The following KIF27 variants were observed in gnomAD, a reference collection of about 807,000 sequenced individuals.
KIF27 encodes kinesin-like protein KIF27.
KIF27 carries 84 observed loss-of-function variants against 141.8 expected under a neutral mutation model. The observed-to-expected ratio is 0.59, with a 90% CI of 0.50 to 0.71. The LOEUF is 0.71. Among genes scored for constraint, KIF27 ranks in the 30% least tolerant of loss-of-function variants. The pLI, the probability that KIF27 is intolerant of heterozygous loss-of-function variation, is 0.00. For missense variants in KIF27, 1,306 were observed against 1,628.4 expected, an observed-to-expected ratio of 0.80 and a Z score of 3.41; for synonymous variants, 471 against 569.5, an observed-to-expected ratio of 0.83 and a Z score of 2.46.
intron 9 of KIF27, among the ~76,000 whole-genome samples, chr9:83,886,327 G>A (rs1240500709): frequency 6.6e-6 from 1 of 152,074 alleles, no homozygotes; most frequent in Admixed American, 6.6e-5. Flanking sequence ...TAAAATAGAG[G>A]ATACCAGAGC....
At chr9:83,907,807 G>A (rs1325485570) in intron 3 of KIF27, among the ~76,000 whole-genome samples, 1 of 152,222 alleles carries the variant, frequency 6.6e-6, no homozygotes, top group Non-Finnish European at 1.5e-5. Context: ...TCATGGTAGA[G>A]CTGAGAGGAA....
chr9:83,862,146 G>C (rs1215418708), intron 13 of KIF27, among the ~76,000 whole-genome samples: 1 of 152,052 alleles, frequency 6.6e-6, no homozygotes, highest in Non-Finnish European at 1.5e-5. Flanking sequence ...TCTGACGGTA[G>C]TTTCTTTTGC....
Position 83,848,132 on chromosome 9 carries a change from CAT to C in KIF27, c.3556+1965_3556+1966del, listed in dbSNP as rs200035673. Among the ~76,000 whole-genome samples, 3 of 38,018 alleles carry C rather than the reference CAT, an allele frequency of 7.9e-5. No individual in the cohort carries two copies. The East Asian group carries it at 1.5e-3, about 19-fold the overall frequency. The allele number at this position is 38,018 out of a possible 152,430, so 24.9% of individuals were successfully genotyped here. A position where few individuals can be genotyped will look rare whatever the true frequency, so the allele number is the denominator to read the frequency against. Reference sequence around the variant, plus strand: ...CTCATATCTGATATATCTGATATCTCATATATGATATATCTGATATATCATAT... The same window carrying C: ...CTCATATCTGATATATCTGATATCTCATATGATATATCTGATATATCATAT... On this transcript the variant is annotated intron_variant, in intron 16 of 17. Transcript: ENST00000297814.
At chr9:83,864,073 CTTT>C (rs752032316) in intron 13 of KIF27, among the ~76,000 whole-genome samples, 4 of 151,992 alleles carry the variant, frequency 2.6e-5, no homozygotes, top group Admixed American at 2.0e-4. Context: ...CTCTTTTCTT[CTTT>C]ATTAGTCTTA....
intron 12 of KIF27, among the ~76,000 whole-genome samples, chr9:83,868,833 C>A (rs777145202): frequency 1.3e-5 from 2 of 152,080 alleles, no homozygotes; most frequent in South Asian, 2.1e-4. Flanking sequence ...TCCAATAATA[C>A]CAATATATTA....
At chr9:83,920,008 G>A (rs1004786856) in intron 1 of KIF27, among the ~76,000 whole-genome samples, 1 of 151,928 alleles carries the variant, frequency 6.6e-6, no homozygotes, top group Non-Finnish European at 1.5e-5. Flanking sequence ...AAGGCAGGTG[G>A]ATCGCTTCAG....
rs1587832273 is a variant in KIF27, at chr9:83,836,923, G to A, written c.*78C>T. On this transcript the variant is annotated 3_prime_UTR_variant, in exon 18 of 18. Transcript: ENST00000297814. ...CCTTTATTCTGAGGAAAGAGGTAGT[G>A]AACTTGAGCTTTAGTTTTTAACAGG... 3 of 1,543,872 alleles carry A rather than the reference G, an allele frequency of 1.9e-6. No homozygotes were observed. In the East Asian group the frequency reaches 6.8e-5, roughly 35 times the overall value.
At position 83,903,639 on chromosome 9, in the gene KIF27, A is replaced by G; in HGVS notation, c.879T>C (p.Tyr293=). The G allele has an allele frequency of 6.2e-7, 1 of 1,614,150 alleles. No individual in the cohort carries two copies. The highest frequency in any genetic ancestry group is 8.5e-7 in the Non-Finnish European group (1 of 1,180,024). The change falls in exon 4 of 18, where the codon TAT becomes TAC. Residue 293 remains tyrosine (Y), a synonymous_variant. Transcript: ENST00000297814. ...DPRRKSSHIP[Y]RDAKITRLLK... is the part of the protein sequence containing the mutation. Reference sequence around the variant, plus strand: ...GAAGCCGGGTAATTTTAGCATCCCTATATGGAATATGTGAACTCTTCCTGC... The same window carrying G: ...GAAGCCGGGTAATTTTAGCATCCCTGTATGGAATATGTGAACTCTTCCTGC...
Position 83,915,587 on chromosome 9 carries a change from T to C in KIF27, c.5A>G (p.Glu2Gly). The C allele has an allele frequency of 1.9e-6, 3 of 1,597,180 alleles. No homozygotes were observed. The highest frequency in any genetic ancestry group is 2.6e-6 in the Non-Finnish European group (3 of 1,173,042). ...TACAGCAACTTTTACTGGTATTTCT[T>C]CCATGGCAACTTAGATTTTACTAAA... is the stretch of plus-strand genomic sequence containing the variant. The part of the protein sequence containing the change: M[E>G]EIPVKVAVRI... Residue 2 changes from glutamate to glycine, a missense_variant, in exon 2 of 18, where the codon GAA becomes GGA. Physicochemically the swap from Glu to Gly is moderately conservative, Grantham distance 98. Around this residue, in one of 4 missense-constraint regions of KIF27, gnomAD observed 533 missense variants for 565.6 expected, o/e 0.94. Transcript: ENST00000297814.
At chr9:83,872,065 C>T (rs1220558617) in intron 11 of KIF27, among the ~76,000 whole-genome samples, 2 of 150,610 alleles carry the variant, frequency 1.3e-5, no homozygotes, top group South Asian at 2.1e-4. Flanking sequence ...TGGCTCATGC[C>T]TGTAATCCAG....
intron 9 of KIF27, among the ~76,000 whole-genome samples, chr9:83,886,688 C>T (rs1952135637): frequency 1.3e-5 from 2 of 152,154 alleles, no homozygotes; most frequent in African/African-American, 2.4e-5. Context: ...CCCCAGAGGT[C>T]AAGGCTGCAG....
At position 83,837,149 on chromosome 9, in the gene KIF27, A is replaced by G. The variant is rs1945950524; in HGVS notation, c.4058T>C (p.Val1353Ala). 1 of 1,614,044 alleles carries G rather than the reference A, an allele frequency of 6.2e-7. No individual in the cohort carries two copies. Among genetic ancestry groups the G allele is most frequent in the Non-Finnish European group, 8.5e-7 (1 of 1,180,008 alleles). The change falls in exon 18 of 18, where the codon GTC becomes GCC. Residue 1353 changes from valine to alanine, a missense_variant. Val to Ala is a moderately conservative substitution (Grantham distance 64). This residue lies in a region of KIF27 where 148 missense variants were observed against 250.9 expected (regional missense o/e 0.59). Transcript: ENST00000297814. ...VVGNVGRLHG[V>A]TPVKLCRKEL... ...TTTTCGACACAGTTTTACAGGTGTG[A>G]CACCATGAAGTCGTCCCACATTTCC... is the stretch of plus-strand genomic sequence containing the variant.
chr9:83,903,506 C>T lies in KIF27; in HGVS notation c.1012G>A (p.Ala338Thr). ...SLNSLKYANRARNIRNKPTVN... is the reference protein window; with the variant it reads ...SLNSLKYANRTRNIRNKPTVN... Reference sequence around the variant, plus strand: ...GTGGGTTTGTTTCTAATGTTCCGTGCTCTGTTGGCATATTTGAGAGAATTT... The same window carrying T: ...GTGGGTTTGTTTCTAATGTTCCGTGTTCTGTTGGCATATTTGAGAGAATTT... The change falls in exon 4 of 18, where the codon GCA becomes ACA. Residue 338 changes from alanine to threonine, a missense_variant. Ala to Thr is a moderately conservative substitution (Grantham distance 58). This residue lies in a region of KIF27 where 533 missense variants were observed against 565.6 expected (regional missense o/e 0.94). Transcript: ENST00000297814. 1 of 1,614,114 alleles carries T rather than the reference C, an allele frequency of 6.2e-7. No individual in the cohort carries two copies. Among genetic ancestry groups the T allele is most frequent in the Non-Finnish European group, 8.5e-7 (1 of 1,180,012 alleles).
intron 13 of KIF27, 64 bp downstream of exon 13, chr9:83,867,620 C>T: frequency 6.8e-7 from 1 of 1,472,112 alleles, no homozygotes; most frequent in Non-Finnish European, 9.0e-7. Context: ...CTGATTATAG[C>T]CATCCTAGTG....
At chr9:83,841,329 C>T (rs1263029953) in intron 17 of KIF27, among the ~76,000 whole-genome samples, 3 of 152,216 alleles carry the variant, frequency 2.0e-5, no homozygotes, top group Admixed American at 2.0e-4. Context: ...CCTTGGCCTC[C>T]CAAAGTGCTG....
chr9:83,913,523 C>T (rs568596402), intron 2 of KIF27, among the ~76,000 whole-genome samples: 4 of 152,170 alleles, frequency 2.6e-5, no homozygotes, highest in Admixed American at 6.5e-5. Flanking sequence ...CTGTAGCCTC[C>T]GCCTCCCAGG....
intron 4 of KIF27, 104 bp downstream of exon 4, chr9:83,902,956 C>T (rs1268944161): frequency 4.7e-6 from 3 of 640,588 alleles, no homozygotes; most frequent in African/African-American, 3.7e-5. Context: ...AAAGAGTTAT[C>T]CATAACAATG....
chr9:83,848,109 C>CATATATATGATATATATGAT (rs375222138), intron 16 of KIF27, among the ~76,000 whole-genome samples: 450 of 24,502 alleles, frequency 0.018, 158 homozygotes, highest in Middle Eastern at 0.033. Context: ...TATGATATCT[C>CATATATATGATATATATGAT]ATATCTGATA....
intron 10 of KIF27, among the ~76,000 whole-genome samples, chr9:83,882,474 T>C (rs1951759466): frequency 6.6e-6 from 1 of 152,246 alleles, no homozygotes; most frequent in South Asian, 2.1e-4. Context: ...ATTTGTAAAA[T>C]GGCTAAAAAT....
Sources: allele counts gnomAD v4.1 joint callset (sites outside exome capture counted in the v4.1 genomes callset), GRCh38; gene constraint gnomAD v4.1.1; regional missense constraint gnomAD v4.1.1; transcripts MANE v1.5; gene names NCBI Gene and HGNC (gene_info 2026-07-23, HGNC 2026-07-21).